DLGAP2: variants seen among roughly 807,000 people sequenced by gnomAD.
DLGAP2 encodes disks large-associated protein 2.
Under a neutral mutation model 100.3 loss-of-function variants are expected in DLGAP2, and 26 were observed. The ratio of observed to expected loss-of-function variants is 0.26; its 90% CI spans 0.19 to 0.36. The LOEUF (loss-of-function observed/expected upper bound fraction) is 0.36. Ranked by LOEUF, DLGAP2 falls within the 10% of genes least tolerant of loss-of-function variation. DLGAP2 has a pLI of 1.00. For missense variants in DLGAP2, 1,858 were observed against 1,453.2 expected (o/e 1.28, Z -4.53); for synonymous variants, 886 against 630.1 (o/e 1.41, Z -6.08).
At chr8:784,590 T>G (rs887996869) in intron 1 of DLGAP2, among the ~76,000 whole-genome samples, 50 of 152,370 alleles carry the variant, frequency 3.3e-4, no homozygotes, top group Admixed American at 3.3e-4. Flanking sequence ...ACAGTTGATA[T>G]GTTTAAAAGG....
At chr8:908,128 A>G (rs1049683351) in intron 2 of DLGAP2, among the ~76,000 whole-genome samples, 162 bp downstream of exon 2, 2 of 152,166 alleles carry the variant, frequency 1.3e-5, no homozygotes, top group Non-Finnish European at 2.9e-5. Context: ...TGAAAGTAGG[A>G]TATTTAGTTC....
At chr8:952,161 T>C in intron 2 of DLGAP2, among the ~76,000 whole-genome samples, 1 of 152,184 alleles carries the variant, frequency 6.6e-6, no homozygotes, top group East Asian at 1.9e-4. Flanking sequence ...GGAACCACCT[T>C]GTAAAATAAT....
intron 3 of DLGAP2, among the ~76,000 whole-genome samples, chr8:1,418,648 A>AT (rs925987374): frequency 3.3e-5 from 5 of 151,066 alleles, no homozygotes; most frequent in South Asian, 2.1e-4. Context: ...GAAAAATTCC[A>AT]TTTTTTTTTC....
chr8:1,286,190 T>G (rs1799917339), intron 3 of DLGAP2, among the ~76,000 whole-genome samples: 2 of 152,056 alleles, frequency 1.3e-5, no homozygotes, highest in African/African-American at 2.4e-5. Context: ...ATAAGGGGCG[T>G]CCCCCTTTGC....
chr8:1,190,498 A>G (rs62489010), intron 2 of DLGAP2, among the ~76,000 whole-genome samples: 23,956 of 152,006 alleles, frequency 0.16, 1,905 homozygotes, highest in East Asian at 0.23. Context: ...TCCCGGCAGC[A>G]TCTCATGCAG....
At chr8:1,425,496 T>A (rs1797213314) in intron 3 of DLGAP2, among the ~76,000 whole-genome samples, 1 of 152,150 alleles carries the variant, frequency 6.6e-6, no homozygotes, top group Non-Finnish European at 1.5e-5. Context: ...TGTGCTTGGG[T>A]CTTCCCTGAG....
At chr8:1,157,431 C>G (rs768113979) in intron 2 of DLGAP2, among the ~76,000 whole-genome samples, 7 of 152,110 alleles carry the variant, frequency 4.6e-5, no homozygotes, top group Non-Finnish European at 1.0e-4. Context: ...AATTAGAAAC[C>G]AAATTTTGCA....
chr8:1,370,748 C>T (rs948496483), intron 3 of DLGAP2, among the ~76,000 whole-genome samples: 5 of 152,258 alleles, frequency 3.3e-5, no homozygotes, highest in Middle Eastern at 3.4e-3. Flanking sequence ...ATGTAGGAGC[C>T]GGACTCGGCA....
chr8:1,438,316 C>G (rs1465209856), intron 3 of DLGAP2, among the ~76,000 whole-genome samples: 1 of 152,214 alleles, frequency 6.6e-6, no homozygotes, highest in African/African-American at 2.4e-5. Context: ...CTTTCCATTA[C>G]TGAGAATTAA....
intron 1 of DLGAP2, among the ~76,000 whole-genome samples, chr8:811,704 A>T (rs1053421683): frequency 4.2e-5 from 6 of 143,196 alleles, no homozygotes; most frequent in Non-Finnish European, 9.1e-5. Flanking sequence ...CAGCTTTCGG[A>T]TGAAGCTCCC....
chr8:958,198 T>C (rs1041763807), intron 2 of DLGAP2, among the ~76,000 whole-genome samples: 1 of 152,236 alleles, frequency 6.6e-6, no homozygotes, highest in Non-Finnish European at 1.5e-5. Context: ...ATTTATGTGG[T>C]GGCCTGTGTC....
chr8:1,367,353 A>G lies in DLGAP2; in HGVS notation c.106+108470A>G, dbSNP rs899681660. On this transcript the variant is annotated intron_variant, in intron 3 of 14. Transcript: ENST00000637795. ...TTCTCCTTTTCATCTCAAACCTTTT[A>G]AGATTCTGCTGAAAACTTGTTCCTG... Among the ~76,000 whole-genome samples, 23 of 152,338 alleles carry G rather than the reference A, an allele frequency of 1.5e-4. No individual in the cohort carries two copies. In the South Asian group the frequency reaches 4.4e-3, roughly 29 times the overall value.
intron 1 of DLGAP2, among the ~76,000 whole-genome samples, chr8:854,193 T>G (rs1276266607): frequency 6.6e-6 from 1 of 152,180 alleles, no homozygotes. Flanking sequence ...GTAGGAGGAC[T>G]GCACAGCAGA....
intron 2 of DLGAP2, among the ~76,000 whole-genome samples, chr8:1,059,885 A>G (rs761199530): frequency 1.3e-5 from 2 of 152,164 alleles, no homozygotes; most frequent in African/African-American, 2.4e-5. Flanking sequence ...TCGCGATGCA[A>G]ATCGCATTCT....
intron 2 of DLGAP2, among the ~76,000 whole-genome samples, chr8:1,196,566 T>G (rs1752925467): frequency 1.3e-5 from 2 of 152,142 alleles, no homozygotes; most frequent in African/African-American, 4.8e-5. Context: ...AAAAGAATAA[T>G]GACAAAAAAG....
intron 2 of DLGAP2, among the ~76,000 whole-genome samples, chr8:1,026,895 A>G (rs919610857): frequency 6.6e-6 from 1 of 152,218 alleles, no homozygotes; most frequent in Non-Finnish European, 1.5e-5. Flanking sequence ...TTGAAGTTCT[A>G]AAGGTTATCG....
intron 2 of DLGAP2, among the ~76,000 whole-genome samples, chr8:1,009,880 C>T (rs775610628): frequency 3.9e-5 from 6 of 152,204 alleles, no homozygotes; most frequent in Non-Finnish European, 8.8e-5. Flanking sequence ...GGAAATACCT[C>T]ATAGGAGATT....
intron 2 of DLGAP2, among the ~76,000 whole-genome samples, chr8:974,871 C>A (rs1239615048): frequency 6.6e-6 from 1 of 151,816 alleles, no homozygotes; most frequent in Non-Finnish European, 1.5e-5. Flanking sequence ...CCAAAATAAG[C>A]AGAAGAAAAG....
intron 3 of DLGAP2, among the ~76,000 whole-genome samples, chr8:1,426,777 A>T (rs755585076): frequency 1.3e-5 from 2 of 152,348 alleles, no homozygotes; most frequent in South Asian, 4.1e-4. Context: ...AAGAAAAATA[A>T]AATTCCCACC....
Sources: allele counts gnomAD v4.1 joint callset (sites outside exome capture counted in the v4.1 genomes callset), GRCh38; gene constraint gnomAD v4.1.1; transcripts MANE v1.5; gene names NCBI Gene and HGNC (gene_info 2026-07-23, HGNC 2026-07-21).